Variants in SMARCD3 observed in about 807,000 individuals in gnomAD.
SMARCD3 encodes the protein SWI/SNF related BAF chromatin remodeling complex subunit D3.
In SMARCD3, 14 loss-of-function variants were observed where a neutral mutation model predicts 58.0. The ratio of observed to expected loss-of-function variants is 0.24; its 90% CI spans 0.16 to 0.38. The LOEUF (loss-of-function observed/expected upper bound fraction) is 0.38. Ranked by LOEUF, SMARCD3 falls within the 10% of genes least tolerant of loss-of-function variation. The pLI is 1.00. For synonymous variants in SMARCD3, 253 were observed against 253.8 expected (o/e 1.00, Z 0.03); for missense variants, 408 against 636.9 (o/e 0.64, Z 3.87).
chr7:151,259,428 T>TGTGTG (rs1171138545), intron 2 of SMARCD3, among the ~76,000 whole-genome samples: 16 of 150,470 alleles, frequency 1.1e-4, no homozygotes, highest in Non-Finnish European at 1.5e-4. Flanking sequence ...TGTGTGTGTG[T>TGTGTG]TTCTAAAGGA....
rs1403717903 is a variant in SMARCD3 at position 151,238,782 on chromosome 7, T to C, written c.*321A>G. The C allele has an allele frequency of 6.4e-7, 1 of 1,567,956 alleles. No homozygotes were observed. On this transcript the variant is annotated 3_prime_UTR_variant, in exon 13 of 13. Coordinates refer to ENST00000262188, the MANE Select transcript of SMARCD3 (RefSeq NM_001003801.2). ...ACAGATAGAGAATTGTTGCTGTATT[T>C]TTTAAATATGAAAATGTTATTAAAC...
rs1261961303 is a variant in SMARCD3, at chr7:151,242,934, A to C, written c.334-91T>G. The C allele has an allele frequency of 6.7e-7, 1 of 1,496,474 alleles. No individual in the cohort carries two copies. The highest frequency in any genetic ancestry group is 1.4e-5 in the African/African-American group (1 of 71,606). 92.7% of individuals were successfully genotyped at this position (1,496,474 alleles called of 1,614,324 possible). A position where few individuals can be genotyped will look rare whatever the true frequency, so the allele number is the denominator to read the frequency against. ...CATGTTGTGCAATCCTAGGGTACAAAAGATGTCAGGGGAGCCATCCTACTT... is the reference window on the plus strand; with the variant it reads ...CATGTTGTGCAATCCTAGGGTACAACAGATGTCAGGGGAGCCATCCTACTT... On this transcript the variant is annotated intron_variant, in intron 3 of 12. Transcript: ENST00000262188. The surrounding 1 kb of genome is among the most constrained non-coding windows in gnomAD (Gnocchi z 4.7).
intron 2 of SMARCD3, among the ~76,000 whole-genome samples, chr7:151,254,960 C>T (rs747259023): frequency 1.3e-5 from 2 of 152,184 alleles, no homozygotes; most frequent in East Asian, 1.9e-4. Context: ...CAAATGGCAG[C>T]GGGCAGTGGG....
At chr7:151,252,150 T>A (rs1803541347), upstream of SMARCD3, among the ~76,000 whole-genome samples, 1 of 151,938 alleles carries the variant, frequency 6.6e-6, no homozygotes, top group South Asian at 2.1e-4. Flanking sequence ...CCTCCTGCCC[T>A]CCGTGAAGGT....
At position 151,242,309 on chromosome 7, in the gene SMARCD3, C is replaced by A; in HGVS notation, c.580-77G>T. ...GAGCAGAAGGAGGCCAAGTTGGCAG[C>A]CGACAGGGCAGTGGGCTTAGATGAA... On this transcript the variant is annotated intron_variant, in intron 5 of 12. Coordinates refer to ENST00000262188, the MANE Select transcript of SMARCD3 (RefSeq NM_001003801.2). The surrounding 1 kb of genome is among the most constrained non-coding windows in gnomAD (Gnocchi z 4.7). The A allele has an allele frequency of 7.0e-7, 1 of 1,434,562 alleles. No homozygotes were observed. The highest frequency in any genetic ancestry group is 1.1e-5 in the South Asian group (1 of 87,354). 88.9% of individuals were successfully genotyped at this position (1,434,562 alleles called of 1,614,324 possible).
intron 2 of SMARCD3, chr7:151,274,978 G>A: frequency 1.5e-6 from 1 of 674,960 alleles, no homozygotes; most frequent in South Asian, 1.7e-5. Flanking sequence ...GCCCTGCCAT[G>A]GGCACTAAGG....
intron 2 of SMARCD3, among the ~76,000 whole-genome samples, chr7:151,269,041 GT>G (rs1301859894): frequency 2.0e-5 from 3 of 152,178 alleles, no homozygotes; most frequent in African/African-American, 4.8e-5. Flanking sequence ...TGAATCTGAG[GT>G]GGGGGCTGTG....
At position 151,267,457 on chromosome 7, in the gene SMARCD3, G is replaced by A. The variant is rs545947435; in HGVS notation, c.39+7657C>T. Among the ~76,000 whole-genome samples the A allele has an allele frequency of 3.9e-5, 6 of 152,298 alleles. No individual in the cohort carries two copies. In the East Asian group the frequency reaches 7.7e-4, roughly 20 times the overall value. ...TCTGACTGCTCCCCCATTCGTTATC[G>A]AATGTACTGCGAAGTCCTCAGGGGT... On this transcript the variant is annotated intron_variant, in intron 2 of 13. Coordinates refer to the SMARCD3 transcript ENST00000356800.
chr7:151,255,323 C>T (rs569067752), intron 2 of SMARCD3, among the ~76,000 whole-genome samples: 3 of 152,336 alleles, frequency 2.0e-5, no homozygotes, highest in Admixed American at 2.0e-4. Flanking sequence ...CTTTGCCTTC[C>T]AGAAGCAGAT....
At chr7:151,254,989 C>T (rs1017198191) in intron 2 of SMARCD3, among the ~76,000 whole-genome samples, 3 of 152,172 alleles carry the variant, frequency 2.0e-5, no homozygotes, top group African/African-American at 7.2e-5. Flanking sequence ...ATAAAACCCC[C>T]GTGGAAGTGC....
In SMARCD3 at chr7:151,242,300, A is replaced by C; in HGVS notation, c.580-68T>G. On this transcript the variant is annotated intron_variant, in intron 5 of 12. Coordinates refer to ENST00000262188, the MANE Select transcript of SMARCD3 (RefSeq NM_001003801.2). The surrounding 1 kb of genome is among the most constrained non-coding windows in gnomAD (Gnocchi z 4.7). Reference sequence around the variant, plus strand: ...AGGTGGGAGGAGCAGAAGGAGGCCAAGTTGGCAGCCGACAGGGCAGTGGGC... The same window carrying C: ...AGGTGGGAGGAGCAGAAGGAGGCCACGTTGGCAGCCGACAGGGCAGTGGGC... 1 of 1,451,542 alleles carries C rather than the reference A, an allele frequency of 6.9e-7. No individual in the cohort carries two copies. The highest frequency in any genetic ancestry group is 9.7e-7 in the Non-Finnish European group (1 of 1,032,444). The allele number at this position is 1,451,542 out of a possible 1,614,324, so 89.9% of individuals were successfully genotyped here. A position where few individuals can be genotyped will look rare whatever the true frequency, so the allele number is the denominator to read the frequency against.
At chr7:151,252,743 A>G (rs886445267), upstream of SMARCD3, among the ~76,000 whole-genome samples, 1 of 151,906 alleles carries the variant, frequency 6.6e-6, no homozygotes, top group Non-Finnish European at 1.5e-5. Flanking sequence ...AAGCCAGGCC[A>G]GGGGCATCAG....
At chr7:151,264,588 C>T (rs1487402365) in intron 2 of SMARCD3, among the ~76,000 whole-genome samples, 1 of 152,254 alleles carries the variant, frequency 6.6e-6, no homozygotes, top group South Asian at 2.1e-4. Flanking sequence ...CTCTGGAGGA[C>T]GGAGGCAATC....
At chr7:151,260,028 C>G (rs540232947) in intron 2 of SMARCD3, among the ~76,000 whole-genome samples, 128 of 152,178 alleles carry the variant, frequency 8.4e-4, no homozygotes, top group Non-Finnish European at 1.4e-3. Flanking sequence ...CTATCAGGTT[C>G]CTGGCAGGGT....
At position 151,241,862 on chromosome 7, in the gene SMARCD3, A is replaced by T; in HGVS notation, c.777+15T>A. ...CCTTGTGTGGCGTGTACGGGGCAGC[A>T]TGGCAGGTGCAGACCTGGTAGTCCA... On this transcript the variant is annotated intron_variant, in intron 7 of 12. Transcript: ENST00000262188. The surrounding 1 kb of genome is among the most constrained non-coding windows in gnomAD (Gnocchi z 5.3). The T allele has an allele frequency of 6.3e-7, 1 of 1,599,610 alleles. No homozygotes were observed. Among genetic ancestry groups the T allele is most frequent in the Non-Finnish European group, 8.5e-7 (1 of 1,171,082 alleles).
At position 151,245,529 on chromosome 7, in the gene SMARCD3, G is replaced by A. The variant is rs1468306442; in HGVS notation, c.221C>T (p.Pro74Leu). The A allele has an allele frequency of 8.2e-7, 1 of 1,221,512 alleles. No individual in the cohort carries two copies. Among genetic ancestry groups the A allele is most frequent in the Non-Finnish European group, 1.0e-6 (1 of 980,270 alleles). The allele number at this position is 1,221,512 out of a possible 1,614,324, so 75.7% of individuals were successfully genotyped here. A position where few individuals can be genotyped will look rare whatever the true frequency, so the allele number is the denominator to read the frequency against. ...GMEPARKRAA[P>L]PPGQSQAQSQ... is the part of the protein sequence containing the mutation. ...CTGTGCCTGGCTCTGCCCGGGCGGG[G>A]GCGCTGCTCGCTTGCGGGCGGGCTC... The change falls in exon 2 of 13, where the codon CCC becomes CTC. Residue 74 changes from proline (P) to leucine (L), a missense_variant. By Grantham distance (98) the Pro-to-Leu change is moderately conservative (BLOSUM62 -3). Coordinates refer to ENST00000262188, the MANE Select transcript of SMARCD3 (RefSeq NM_001003801.2). The surrounding 1 kb of genome is among the most constrained non-coding windows in gnomAD (Gnocchi z 6.2).
chr7:151,259,934 A>G (rs1803862821), intron 2 of SMARCD3, among the ~76,000 whole-genome samples: 1 of 152,100 alleles, frequency 6.6e-6, no homozygotes, highest in Admixed American at 6.6e-5. Flanking sequence ...TAGGAGTAAT[A>G]ACATCGGCTT....
rs774197115 is a variant in SMARCD3 at position 151,248,626 on chromosome 7, CT to C, written c.-65del. On this transcript the variant is annotated 5_prime_UTR_variant, in exon 1 of 13. Transcript: ENST00000262188. The surrounding 1 kb of genome is among the most constrained non-coding windows in gnomAD (Gnocchi z 6.1). Reference sequence around the variant, plus strand: ...CTTCCTCTTTCTTTCCCTTTTCTGCCTTTTTTTTTCCTCCAACTCTCCCCTC... The same window carrying C: ...CTTCCTCTTTCTTTCCCTTTTCTGCCTTTTTTTTCCTCCAACTCTCCCCTC... 9.3e-5 allele frequency: 147 copies of C among 1,585,908 alleles called. No homozygotes were observed. Among genetic ancestry groups the C allele is most frequent in the Middle Eastern group, 1.7e-4 (1 of 5,986 alleles).
chr7:151,247,713 CGGG>C (rs1563663213), intron 1 of SMARCD3, among the ~76,000 whole-genome samples: 4 of 75,388 alleles, frequency 5.3e-5, no homozygotes, highest in Non-Finnish European at 9.8e-5. Flanking sequence ...CCCTCCCAGC[CGGG>C]CCCTACTGAC....
Sources: gnomAD v4.1 joint callset for allele counts (sites outside exome capture counted in the v4.1 genomes callset) on GRCh38, gnomAD v4.1.1 for gene constraint, Gnocchi (gnomAD v3.1) non-coding constraint, MANE v1.5 for transcripts, NCBI Gene and HGNC (gene_info 2026-07-23, HGNC 2026-07-21) for gene names.